Variants in ARHGEF10L observed in about 807,000 individuals in gnomAD.
The protein encoded by ARHGEF10L is rho guanine nucleotide exchange factor 10-like protein.
In ARHGEF10L, 69 loss-of-function variants were observed where a neutral mutation model predicts 141.2. The observed-to-expected ratio is 0.49, with a 90% CI of 0.40 to 0.60. ARHGEF10L has a LOEUF of 0.60. Ranked by LOEUF, ARHGEF10L falls within the 20% of genes least tolerant of loss-of-function variation. The pLI, the probability that ARHGEF10L is intolerant of heterozygous loss-of-function variation, is 0.00. For synonymous variants in ARHGEF10L, 711 were observed against 718.5 expected (o/e 0.99, Z 0.17); for missense variants, 1,482 against 1,734.3 (o/e 0.85, Z 2.58).
At chr1:17,532,943 C>T in the ARHGEF10L span, among the ~76,000 whole-genome samples, 1,627 of 152,238 alleles carry the variant, frequency 0.011, 18 homozygotes, top group Non-Finnish European at 0.015. Context: ...GGCTAAAGCA[C>T]GGTGCTGGGT....
intron 4 of ARHGEF10L, among the ~76,000 whole-genome samples, chr1:17,598,949 A>G (rs1432590210): frequency 6.6e-6 from 1 of 152,134 alleles, no homozygotes; most frequent in Non-Finnish European, 1.5e-5. Context: ...GCTCCCACTA[A>G]TTAGCTGAGT....
intron 26 of ARHGEF10L, among the ~76,000 whole-genome samples, chr1:17,667,189 G>A (rs1309446148): frequency 2.6e-5 from 4 of 152,250 alleles, no homozygotes; most frequent in African/African-American, 9.6e-5. Context: ...ATTCAGGGCA[G>A]TGGTGTGAGG....
intron 1 of ARHGEF10L, among the ~76,000 whole-genome samples, chr1:17,562,932 C>A (rs1014878041): frequency 6.6e-6 from 1 of 152,144 alleles, no homozygotes; most frequent in Non-Finnish European, 1.5e-5. Context: ...AGCAGGCGGC[C>A]ATGGGACCAT....
intron 26 of ARHGEF10L, among the ~76,000 whole-genome samples, chr1:17,682,499 G>T (rs919187800): frequency 6.6e-6 from 1 of 152,186 alleles, no homozygotes; most frequent in Non-Finnish European, 1.5e-5. Context: ...GGAATGCCAT[G>T]ATCCTGAGCT....
At chr1:17,557,725 C>G (rs1051724672) in intron 1 of ARHGEF10L, among the ~76,000 whole-genome samples, 4 of 152,134 alleles carry the variant, frequency 2.6e-5, no homozygotes, top group African/African-American at 7.2e-5. Context: ...GGCCTAGGTC[C>G]GGGGAAGGAC....
chr1:17,557,705 A>G (rs1036999607), intron 1 of ARHGEF10L, among the ~76,000 whole-genome samples: 19 of 152,228 alleles, frequency 1.2e-4, no homozygotes, highest in Non-Finnish European at 2.4e-4. Context: ...GCCTAGGCCC[A>G]GGGGAAGATG....
At chr1:17,691,465 G>A (rs917066083) in intron 27 of ARHGEF10L, among the ~76,000 whole-genome samples, 5 of 152,058 alleles carry the variant, frequency 3.3e-5, no homozygotes, top group Admixed American at 6.5e-5. Context: ...GTCTCCTGCC[G>A]GTCTCCATGC....
At chr1:17,613,268 C>G (rs2059641118) in intron 8 of ARHGEF10L, 94 bp downstream of exon 8, 1 of 1,011,840 alleles carries the variant, frequency 9.9e-7, no homozygotes, top group African/African-American at 1.6e-5. Context: ...TACCACGAAG[C>G]CTACCAGGCC....
intron 26 of ARHGEF10L, among the ~76,000 whole-genome samples, chr1:17,667,117 T>C (rs2063033404): frequency 1.3e-5 from 2 of 152,206 alleles, no homozygotes; most frequent in African/African-American, 2.4e-5. Context: ...AGCGTCTGAC[T>C]CAGCCCAGGA....
chr1:17,672,716 A>G (rs142828736), intron 26 of ARHGEF10L, among the ~76,000 whole-genome samples: 121 of 152,318 alleles, frequency 7.9e-4, no homozygotes, highest in African/African-American at 2.8e-3. Flanking sequence ...TTCACAAGGA[A>G]GATGAGTGTT....
intron 26 of ARHGEF10L, among the ~76,000 whole-genome samples, chr1:17,668,819 C>T (rs867090005): frequency 4.2e-4 from 64 of 152,348 alleles, no homozygotes; most frequent in African/African-American, 1.5e-3. Context: ...ATAAGCCATG[C>T]TCCTGCTGCT....
Position 17,627,081 on chromosome 1 carries a change from A to G in ARHGEF10L, c.1411-249A>G, listed in dbSNP as rs1417492106. ...CTGCTATGAACATGGCTGGACAAAT[A>G]TCTGTTTGAGACCCCGCTTTCAGTT... On this transcript the variant is annotated intron_variant, in intron 14 of 28. Transcript: ENST00000361221. The surrounding 1 kb of genome is among the most constrained non-coding windows in gnomAD (Gnocchi z 4.0). 2.6e-5 allele frequency among the ~76,000 whole-genome samples: 4 copies of G among 152,212 alleles called. No homozygotes were observed. The highest frequency in any genetic ancestry group is 5.9e-5 in the Non-Finnish European group (4 of 68,030).
At chr1:17,686,537 C>G (rs868398622) in intron 26 of ARHGEF10L, among the ~76,000 whole-genome samples, 3 of 152,138 alleles carry the variant, frequency 2.0e-5, no homozygotes, top group African/African-American at 7.2e-5. Context: ...GGGCCTGCCT[C>G]CTGGACTGAG....
chr1:17,580,840 CA>C (rs1349148960), intron 2 of ARHGEF10L, among the ~76,000 whole-genome samples: 3 of 152,106 alleles, frequency 2.0e-5, no homozygotes, highest in Admixed American at 6.6e-5. Context: ...AGGCTCTGAG[CA>C]AGGGTCAATC....
intron 14 of ARHGEF10L, 38 bp downstream of exon 14, chr1:17,626,086 T>C: frequency 6.3e-7 from 1 of 1,590,408 alleles, no homozygotes; most frequent in Middle Eastern, 1.7e-4. Context: ...ACCCACAGGG[T>C]TTGCCTGTGG....
chr1:17,551,254 T>C (rs1344621156), intron 1 of ARHGEF10L, among the ~76,000 whole-genome samples: 3 of 152,180 alleles, frequency 2.0e-5, no homozygotes, highest in African/African-American at 4.8e-5. Flanking sequence ...GAACTGGAGA[T>C]TCCAAGATGA....
intron 28 of ARHGEF10L, among the ~76,000 whole-genome samples, chr1:17,696,180 T>C: frequency 7.0e-6 from 1 of 142,354 alleles, no homozygotes; most frequent in African/African-American, 2.6e-5. Context: ...GCCATTGCAC[T>C]CCAGCCTGGG....
At position 17,654,744 on chromosome 1, in the gene ARHGEF10L, C is replaced by T. The variant is rs1400600972; in HGVS notation, c.2481+22C>T. The T allele has an allele frequency of 1.2e-6, 2 of 1,606,054 alleles. No individual in the cohort carries two copies. Among genetic ancestry groups the T allele is most frequent in the South Asian group, 2.2e-5 (2 of 90,948 alleles). On this transcript the variant is annotated intron_variant, in intron 23 of 28. Transcript: ENST00000361221. This position sits in a 1 kb window ranked among gnomAD's most constrained non-coding sequence, Gnocchi z 4.3. ...CTGGGTGAGTCACCCCCCTGCCCAG[C>T]TGGGCATTCTGGCCTCAGGACAGGA...
rs2062098440 is a variant in ARHGEF10L at position 17,654,255 on chromosome 1, C to T, written c.2395-381C>T. Among the ~76,000 whole-genome samples the T allele has an allele frequency of 6.6e-6, 1 of 152,196 alleles. No homozygotes were observed. The highest frequency in any genetic ancestry group is 6.5e-5 in the Admixed American group (1 of 15,284). On this transcript the variant is annotated intron_variant, in intron 22 of 28. Transcript: ENST00000361221. The surrounding 1 kb of genome is among the most constrained non-coding windows in gnomAD (Gnocchi z 4.3). ...CTGTGCGTGGCCCTCACAAGCCGCC[C>T]AGCCCTGCCACTCACCTCCTCTGTG...
Sources: gnomAD v4.1 joint callset for allele counts (sites outside exome capture counted in the v4.1 genomes callset) on GRCh38, gnomAD v4.1.1 for gene constraint, Gnocchi (gnomAD v3.1) non-coding constraint, MANE v1.5 for transcripts, NCBI Gene and HGNC (gene_info 2026-07-23, HGNC 2026-07-21) for gene names.